Variants in RNF13 observed in about 807,000 individuals in gnomAD.
RNF13 encodes the protein ring finger protein 13.
A neutral mutation model predicts 37.7 loss-of-function variants in RNF13; 19 were observed. The observed-to-expected ratio is 0.50, with a 90% CI of 0.35 to 0.74. The LOEUF is 0.74. RNF13 is among the 30% of genes least tolerant of loss of function. The pLI is 0.01. For missense variants in RNF13, 375 were observed against 453.0 expected (o/e 0.83, Z 1.56); for synonymous variants, 144 against 157.8 (o/e 0.91, Z 0.65).
In RNF13 at chr3:149,814,852, AT is replaced by A. The variant is rs548851633; in HGVS notation, c.-17+1508del. Among the ~76,000 whole-genome samples, 429 of 151,538 alleles carry A rather than the reference AT, an allele frequency of 2.8e-3. 2 individuals carry two copies. The highest frequency in any genetic ancestry group is 9.9e-3 in the African/African-American group (409 of 41,334). On this transcript the variant is annotated intron_variant, in intron 1 of 9. Transcript: ENST00000392894. ...TGAAACAAAATTTGTCTATTACATA[AT>A]TTTTTTTTGTTTTGTTGGAAACTGT... is the stretch of plus-strand genomic sequence containing the variant.
chr3:149,956,462 G>T (rs34281303), intron 8 of RNF13, among the ~76,000 whole-genome samples: 4,695 of 152,278 alleles, frequency 0.031, 95 homozygotes, highest in Non-Finnish European at 0.042. Flanking sequence ...CTAGGTCTTT[G>T]TGTGAGTCTT....
At chr3:149,845,497 A>G (rs1278359712) in intron 1 of RNF13, among the ~76,000 whole-genome samples, 4 of 152,272 alleles carry the variant, frequency 2.6e-5, no homozygotes, top group Admixed American at 1.3e-4. Context: ...AATGGACAAA[A>G]AGTATTCCTT....
At chr3:149,888,113 A>G (rs573551944) in intron 4 of RNF13, among the ~76,000 whole-genome samples, 3 of 152,272 alleles carry the variant, frequency 2.0e-5, no homozygotes, top group African/African-American at 7.2e-5. Context: ...ACCATGGTAG[A>G]TGAATTTTCC....
At chr3:149,856,824 G>C (rs1226751486) in intron 3 of RNF13, among the ~76,000 whole-genome samples, 1 of 152,150 alleles carries the variant, frequency 6.6e-6, no homozygotes, top group Non-Finnish European at 1.5e-5. Flanking sequence ...CCGGCTCACT[G>C]CAAGCTCCGG....
At chr3:149,860,911 G>C (rs1337213702) in intron 3 of RNF13, among the ~76,000 whole-genome samples, 5 of 151,956 alleles carry the variant, frequency 3.3e-5, no homozygotes, top group Non-Finnish European at 5.9e-5. Context: ...GAACATCTCA[G>C]CAGCAAAAAG....
At chr3:149,880,183 T>A (rs1713223467) in intron 4 of RNF13, among the ~76,000 whole-genome samples, 1 of 152,190 alleles carries the variant, frequency 6.6e-6, no homozygotes. Flanking sequence ...GTAAGCTGAT[T>A]TTAAGTACAG....
intron 1 of RNF13, among the ~76,000 whole-genome samples, chr3:149,829,368 G>A (rs1333544432): frequency 6.6e-6 from 1 of 152,126 alleles, no homozygotes; most frequent in Non-Finnish European, 1.5e-5. Context: ...CCAAAGTGTT[G>A]GGATTACAGG....
At chr3:149,938,995 G>T (rs1389268533) in intron 8 of RNF13, 4 of 471,984 alleles carry the variant, frequency 8.5e-6, no homozygotes, top group African/African-American at 8.1e-5. Context: ...TTTTCCTAAA[G>T]AGACTTCCTC....
chr3:149,914,889 G>A (rs1423408648), intron 7 of RNF13, among the ~76,000 whole-genome samples: 1 of 151,018 alleles, frequency 6.6e-6, no homozygotes, highest in East Asian at 1.9e-4. Context: ...AGTGAGCCAA[G>A]ATCACACCAT....
At chr3:149,924,876 G>C (rs1718483231) in intron 8 of RNF13, among the ~76,000 whole-genome samples, 1 of 152,174 alleles carries the variant, frequency 6.6e-6, no homozygotes, top group Non-Finnish European at 1.5e-5. Flanking sequence ...TTCTTGAGAA[G>C]GCAAGAGGAG....
intron 2 of RNF13, among the ~76,000 whole-genome samples, chr3:149,850,803 A>T (rs904813751): frequency 3.3e-5 from 5 of 152,214 alleles, no homozygotes; most frequent in African/African-American, 1.2e-4. Context: ...ACCTGATCAT[A>T]GGTGAATTAA....
intron 9 of RNF13, among the ~76,000 whole-genome samples, chr3:149,960,452 G>A (rs1162881879): frequency 1.3e-5 from 2 of 151,966 alleles, no homozygotes; most frequent in Non-Finnish European, 2.9e-5. Context: ...TTAGCTGGGT[G>A]TGGTGGCGGG....
At chr3:149,884,548 C>A (rs1713796850) in intron 4 of RNF13, among the ~76,000 whole-genome samples, 1 of 151,652 alleles carries the variant, frequency 6.6e-6, no homozygotes, top group South Asian at 2.1e-4. Context: ...CATGCATATG[C>A]CATTCTTATA....
chr3:149,927,316 T>C (rs956079884), intron 8 of RNF13, among the ~76,000 whole-genome samples: 2 of 152,256 alleles, frequency 1.3e-5, no homozygotes, highest in Admixed American at 1.3e-4. Flanking sequence ...TATATCAGAA[T>C]GTCTTTACTT....
intron 4 of RNF13, among the ~76,000 whole-genome samples, chr3:149,884,182 T>G (rs1411682131): frequency 6.6e-6 from 1 of 152,162 alleles, no homozygotes; most frequent in Non-Finnish European, 1.5e-5. Context: ...TTGGACATAG[T>G]GTTGTATTGT....
chr3:149,927,986 T>G (rs1207613990), intron 8 of RNF13, among the ~76,000 whole-genome samples: 1 of 150,026 alleles, frequency 6.7e-6, no homozygotes, highest in Non-Finnish European at 1.5e-5. Flanking sequence ...GCTTATGATA[T>G]GAAGCATAAG....
chr3:149,939,022 G>T, intron 8 of RNF13: 1 of 479,988 alleles, frequency 2.1e-6, no homozygotes, highest in South Asian at 1.7e-5. Context: ...CAGAGATTTT[G>T]AATAACCTCC....
At chr3:149,873,464 CTG>C (rs1314663052) in intron 4 of RNF13, among the ~76,000 whole-genome samples, 2 of 152,090 alleles carry the variant, frequency 1.3e-5, no homozygotes, top group Non-Finnish European at 2.9e-5. Context: ...CATCATGAGT[CTG>C]AGTACTTCTA....
At chr3:149,824,966 T>C (rs1236010346) in intron 1 of RNF13, among the ~76,000 whole-genome samples, 1 of 151,880 alleles carries the variant, frequency 6.6e-6, no homozygotes, top group East Asian at 1.9e-4. Flanking sequence ...TCCTGATTTT[T>C]TTTTTTTTTT....
Sources: gnomAD v4.1 joint callset for allele counts (sites outside exome capture counted in the v4.1 genomes callset) on GRCh38, gnomAD v4.1.1 for gene constraint, MANE v1.5 for transcripts, NCBI Gene and HGNC (gene_info 2026-07-23, HGNC 2026-07-21) for gene names.